The following ZFAT variants were observed in gnomAD, a reference collection of about 807,000 sequenced individuals.
The protein encoded by ZFAT is zinc finger protein ZFAT.
In ZFAT, 64 loss-of-function variants were observed where a neutral mutation model predicts 117.7. That is an observed-to-expected ratio of 0.54 (90% CI 0.44 to 0.67). The LOEUF (loss-of-function observed/expected upper bound fraction) is 0.67. Ranked by LOEUF, ZFAT falls within the 30% of genes least tolerant of loss-of-function variation. The pLI, the probability that ZFAT is intolerant of heterozygous loss-of-function variation, is 0.00. For missense variants in ZFAT, 1,433 were observed against 1,584.5 expected, an observed-to-expected ratio of 0.90 and a Z score of 1.62; for synonymous variants, 679 against 615.0, an observed-to-expected ratio of 1.10 and a Z score of -1.54.
the ZFAT span, among the ~76,000 whole-genome samples, chr8:134,776,268 A>AT: frequency 1.7e-3 from 260 of 152,198 alleles, no homozygotes; most frequent in Non-Finnish European, 2.3e-3. Flanking sequence ...CTATTCTATT[A>AT]TTTTACTTGC....
intron 7 of ZFAT, among the ~76,000 whole-genome samples, chr8:134,596,379 C>A (rs1018702426): frequency 6.6e-6 from 1 of 152,224 alleles, no homozygotes; most frequent in African/African-American, 2.4e-5. Context: ...TTATCCATTT[C>A]ATGGCAGCAA....
Position 134,478,833 on chromosome 8 carries a change from C to T in ZFAT, c.3493-112G>A, listed in dbSNP as rs1817082432. On this transcript the variant is annotated intron_variant, in intron 15 of 15. Transcript: ENST00000377838. The surrounding 1 kb of genome is among the most constrained non-coding windows in gnomAD (Gnocchi z 5.2). ...CACCAGTGCGCTGCGGGAGCACGTC[C>T]ATTCTCCACGGATCCTCTCTACCAG... 1.4e-6 allele frequency: 2 copies of T among 1,421,280 alleles called. No homozygotes were observed. The highest frequency in any genetic ancestry group is 2.1e-5 in the Admixed American group (1 of 46,746). 88.0% of individuals were successfully genotyped at this position (1,421,280 alleles called of 1,614,324 possible).
chr8:134,703,745 AC>A lies in ZFAT; in HGVS notation c.19+9099del, dbSNP rs143520549. On this transcript the variant is annotated intron_variant, in intron 1 of 15. Coordinates refer to ENST00000377838, the MANE Select transcript of ZFAT (RefSeq NM_020863.4). Reference sequence around the variant, plus strand: ...CTACAGAAATGATAGTTATGACCAGACCCTATCTTATTCCCCTGCAACTGCA... The same window carrying A: ...CTACAGAAATGATAGTTATGACCAGACCTATCTTATTCCCCTGCAACTGCA... Among the ~76,000 whole-genome samples, 738 of 152,294 alleles carry A rather than the reference AC, an allele frequency of 4.8e-3. 2 individuals are homozygous for A. Among genetic ancestry groups the A allele is most frequent in the Non-Finnish European group, 7.9e-3 (536 of 68,012 alleles).
chr8:134,521,637 A>C (rs1032318514), intron 12 of ZFAT, among the ~76,000 whole-genome samples: 10 of 152,208 alleles, frequency 6.6e-5, no homozygotes, highest in African/African-American at 9.7e-5. Flanking sequence ...GGTTTAAAAA[A>C]AAAAACAAAA....
the ZFAT span, among the ~76,000 whole-genome samples, chr8:134,823,656 A>G: frequency 2.0e-5 from 3 of 152,194 alleles, no homozygotes; most frequent in East Asian, 3.8e-4. Flanking sequence ...GCTGTATTAC[A>G]TATCTTGACA....
the ZFAT span, among the ~76,000 whole-genome samples, chr8:134,720,929 G>A: frequency 3.9e-5 from 6 of 152,188 alleles, no homozygotes; most frequent in South Asian, 1.2e-3. Context: ...CATCCTGTAG[G>A]GTCGGGAGGG....
the ZFAT span, among the ~76,000 whole-genome samples, chr8:134,802,992 T>C: frequency 6.6e-6 from 1 of 152,366 alleles, no homozygotes; most frequent in African/African-American, 2.4e-5. Context: ...TATACTATAC[T>C]GAAGCAAGGG....
chr8:134,491,021 C>T (rs1295278660), intron 15 of ZFAT, among the ~76,000 whole-genome samples: 1 of 152,226 alleles, frequency 6.6e-6, no homozygotes, highest in Non-Finnish European at 1.5e-5. Context: ...GGCAACAATG[C>T]ATCAGAATGT....
chr8:134,726,907 A>G, the ZFAT span, among the ~76,000 whole-genome samples: 2 of 152,008 alleles, frequency 1.3e-5, no homozygotes, highest in African/African-American at 4.8e-5. Context: ...AGGGCTGGGT[A>G]TTTTCTATCT....
intron 1 of ZFAT, among the ~76,000 whole-genome samples, chr8:134,694,194 C>A (rs528062018): frequency 6.6e-6 from 1 of 152,256 alleles, no homozygotes; most frequent in Non-Finnish European, 1.5e-5. Flanking sequence ...TGGAATGAGG[C>A]ACGTGGCTGA....
chr8:134,528,141 C>T (rs1054425873), intron 12 of ZFAT, among the ~76,000 whole-genome samples: 1 of 152,212 alleles, frequency 6.6e-6, no homozygotes, highest in Non-Finnish European at 1.5e-5. Flanking sequence ...CTTTAGGGGA[C>T]ATCAAACATG....
At chr8:134,547,924 A>G (rs1822823063) in intron 11 of ZFAT, among the ~76,000 whole-genome samples, 1 of 152,316 alleles carries the variant, frequency 6.6e-6, no homozygotes, top group East Asian at 1.9e-4. Context: ...TTTATCTTGT[A>G]TTAACCTAAA....
chr8:134,507,233 T>C (rs1819482766), intron 15 of ZFAT, among the ~76,000 whole-genome samples: 3 of 152,228 alleles, frequency 2.0e-5, no homozygotes, highest in African/African-American at 7.2e-5. Context: ...ATTTTTCTAA[T>C]AAATACTGCT....
At chr8:134,614,998 G>A (rs983946727) in intron 3 of ZFAT, among the ~76,000 whole-genome samples, 1 of 152,130 alleles carries the variant, frequency 6.6e-6, no homozygotes, top group African/African-American at 2.4e-5. Flanking sequence ...AAATATGAGA[G>A]ATAGTAAAAG....
At chr8:134,824,951 G>T in the ZFAT span, among the ~76,000 whole-genome samples, 1 of 152,190 alleles carries the variant, frequency 6.6e-6, no homozygotes, top group Non-Finnish European at 1.5e-5. Flanking sequence ...TGGCATAAGT[G>T]TAATTTTTTT....
intron 1 of ZFAT, among the ~76,000 whole-genome samples, chr8:134,711,739 C>A (rs565123747): frequency 3.3e-5 from 5 of 152,240 alleles, no homozygotes; most frequent in Non-Finnish European, 5.9e-5. Context: ...CCACATCTAG[C>A]ACCGCAGCAG....
chr8:134,540,050 T>C (rs576230776), intron 11 of ZFAT, among the ~76,000 whole-genome samples: 14 of 152,294 alleles, frequency 9.2e-5, no homozygotes, highest in African/African-American at 2.4e-4. Flanking sequence ...TAAAACCCCA[T>C]AGGTCTCACT....
the ZFAT span, chr8:134,793,556 C>T: frequency 2.6e-5 from 4 of 152,172 alleles, no homozygotes; most frequent in Non-Finnish European, 5.9e-5. Context: ...GAGCACGAAA[C>T]CTAGATCCCT....
At chr8:134,636,759 G>A (rs75013613) in intron 3 of ZFAT, among the ~76,000 whole-genome samples, 86 of 152,296 alleles carry the variant, frequency 5.6e-4, no homozygotes, top group African/African-American at 1.7e-3. Context: ...TCATTCCTCC[G>A]ACGAAGGCCA....
Sources: gnomAD v4.1 joint callset for allele counts (sites outside exome capture counted in the v4.1 genomes callset) on GRCh38, gnomAD v4.1.1 for gene constraint, Gnocchi (gnomAD v3.1) non-coding constraint, MANE v1.5 for transcripts, NCBI Gene and HGNC (gene_info 2026-07-23, HGNC 2026-07-21) for gene names.